ATAD2B: variants seen among roughly 807,000 people sequenced by gnomAD.
The protein encoded by ATAD2B is ATPase family AAA domain-containing protein 2B.
In ATAD2B, 40 loss-of-function variants were observed where a neutral mutation model predicts 167.6. The observed-to-expected ratio is 0.24, with a 90% CI of 0.19 to 0.31. ATAD2B has a LOEUF of 0.31. Ranked by LOEUF, ATAD2B falls within the 10% of genes least tolerant of loss-of-function variation. ATAD2B has a pLI of 1.00. For missense variants in ATAD2B, 1,242 were observed against 1,757.2 expected (o/e 0.71, Z 5.24); for synonymous variants, 579 against 596.5 (o/e 0.97, Z 0.43).
At chr2:23,679,619 T>TATAGATATAGATATAGATATAG in the ATAD2B span, among the ~76,000 whole-genome samples, 48 of 151,498 alleles carry the variant, frequency 3.2e-4, no homozygotes, top group South Asian at 8.4e-4. Context: ...CAGATATATA[T>TATAGATATAGATATAGATATAG]ATATGTATGC....
intron 19 of ATAD2B, among the ~76,000 whole-genome samples, chr2:23,795,891 G>T (rs1035128917): frequency 2.0e-5 from 3 of 149,200 alleles, no homozygotes; most frequent in African/African-American, 7.5e-5. Context: ...AAAAAAAAAA[G>T]AAAAAAGAAA....
At chr2:23,880,857 T>C in intron 6 of ATAD2B, 102 bp from the exon 7 acceptor site, 1 of 700,294 alleles carries the variant, frequency 1.4e-6, no homozygotes, top group East Asian at 2.8e-5. Context: ...CATTACTCTT[T>C]CTGCACAGGT....
At chr2:23,760,771 C>CACACACACACACACATACACA (rs1572646294) in intron 24 of ATAD2B, among the ~76,000 whole-genome samples, 1 of 130,140 alleles carries the variant, frequency 7.7e-6, no homozygotes, top group South Asian at 2.6e-4. Context: ...CACACACACA[C>CACACACACACACACATACACA]CACTTCCTTC....
At chr2:23,824,485 T>G (rs1434739357) in intron 15 of ATAD2B, among the ~76,000 whole-genome samples, 1 of 152,196 alleles carries the variant, frequency 6.6e-6, no homozygotes, top group Non-Finnish European at 1.5e-5. Flanking sequence ...CAACCAACTA[T>G]TAACATTCAG....
At chr2:23,763,746 C>T (rs993325539) in intron 23 of ATAD2B, among the ~76,000 whole-genome samples, 3 of 152,060 alleles carry the variant, frequency 2.0e-5, no homozygotes, top group Non-Finnish European at 2.9e-5. Flanking sequence ...TACACCACCA[C>T]GCCTAGCTAA....
chr2:23,731,687 A>C, the ATAD2B span, among the ~76,000 whole-genome samples: 12 of 152,234 alleles, frequency 7.9e-5, no homozygotes, highest in Admixed American at 7.9e-4. Flanking sequence ...TTTCAATGCA[A>C]TCAATAAACT....
chr2:23,888,495 T>C lies in ATAD2B; in HGVS notation c.369-96A>G, dbSNP rs1468771467. On this transcript the variant is annotated intron_variant, in intron 2 of 27. Transcript: ENST00000238789. ...CTGGAATTATTTTAATCTTTAAAAC[T>C]TTTTTAAAAGTAAAGATAACTTTTT... 1.0e-5 allele frequency: 8 copies of C among 799,102 alleles called. No homozygotes were observed. The East Asian group carries it at 1.9e-4, about 19-fold the overall frequency. 49.5% of individuals were successfully genotyped at this position (799,102 alleles called of 1,614,324 possible). A position where few individuals can be genotyped will look rare whatever the true frequency, so the allele number is the denominator to read the frequency against.
intron 19 of ATAD2B, among the ~76,000 whole-genome samples, chr2:23,792,152 T>A (rs1464059558): frequency 2.6e-5 from 4 of 151,608 alleles, no homozygotes; most frequent in Non-Finnish European, 5.9e-5. Context: ...AAGCTCCGCC[T>A]CCTGGGTTCA....
chr2:23,889,779 C>T (rs760018647), intron 2 of ATAD2B, among the ~76,000 whole-genome samples: 9 of 151,460 alleles, frequency 5.9e-5, no homozygotes, highest in Non-Finnish European at 1.0e-4. Flanking sequence ...AATTGCTGGG[C>T]GTGGTGGCGG....
intron 25 of ATAD2B, among the ~76,000 whole-genome samples, chr2:23,756,716 T>C (rs1675994239): frequency 6.6e-6 from 1 of 152,198 alleles, no homozygotes; most frequent in Non-Finnish European, 1.5e-5. Flanking sequence ...ATGATTGCTC[T>C]GCTTCTTTCC....
chr2:23,775,014 C>T (rs1228750742), intron 22 of ATAD2B, among the ~76,000 whole-genome samples: 1 of 152,126 alleles, frequency 6.6e-6, no homozygotes, highest in African/African-American at 2.4e-5. Flanking sequence ...TGTTCTCAAT[C>T]AGCTTCGAGT....
intron 13 of ATAD2B, among the ~76,000 whole-genome samples, chr2:23,841,051 T>C (rs559140896): frequency 1.2e-4 from 18 of 151,534 alleles, no homozygotes; most frequent in Non-Finnish European, 1.9e-4. Context: ...GGGCTACTGA[T>C]AGTGATAGGA....
At chr2:23,679,932 G>A in the ATAD2B span, among the ~76,000 whole-genome samples, 1 of 152,338 alleles carries the variant, frequency 6.6e-6, no homozygotes, top group Non-Finnish European at 1.5e-5. Flanking sequence ...GTGGGGACGT[G>A]TGTGGGGTGC....
intron 20 of ATAD2B, 52 bp from the exon 21 acceptor site, chr2:23,786,275 CT>C: frequency 9.3e-6 from 13 of 1,396,964 alleles, no homozygotes; most frequent in African/African-American, 1.5e-5. Flanking sequence ...GGCCAGGACC[CT>C]TTTTTGGCAT....
At chr2:23,696,605 T>C in the ATAD2B span, 1 of 1,036,508 alleles carries the variant, frequency 9.6e-7, no homozygotes, top group Non-Finnish European at 1.4e-6. The surrounding 1 kb of genome is among the most constrained non-coding windows in gnomAD (Gnocchi z 5.5). Flanking sequence ...ACCCACTCAG[T>C]GGCGATGGAG....
At position 23,913,658 on chromosome 2, in the gene ATAD2B, T is replaced by A. The variant is rs1043440715; in HGVS notation, c.216+12897A>T. ...CTCTTGAGAAAAAAAAAAAAAAAAA[T>A]TCTAGTTGGATCTTCTGAGTAACTC... On this transcript the variant is annotated intron_variant, in intron 1 of 27. Transcript: ENST00000238789. Among the ~76,000 whole-genome samples, 110 of 141,830 alleles carry A rather than the reference T, an allele frequency of 7.8e-4. 1 individual carries two copies. The highest frequency in any genetic ancestry group is 2.4e-3 in the African/African-American group (95 of 38,966). 93.0% of individuals were successfully genotyped at this position (141,830 alleles called of 152,430 possible).
At chr2:23,805,379 A>G (rs1352697154) in intron 18 of ATAD2B, among the ~76,000 whole-genome samples, 1 of 152,110 alleles carries the variant, frequency 6.6e-6, no homozygotes, top group Non-Finnish European at 1.5e-5. Flanking sequence ...CACTAATGTC[A>G]CCTGCATTTT....
At position 23,869,775 on chromosome 2, in the gene ATAD2B, G is replaced by A. The variant is rs1480255051; in HGVS notation, c.978-14C>T. On this transcript the variant is annotated splice_polypyrimidine_tract_variant and intron_variant, in intron 8 of 27. Coordinates refer to ENST00000238789, the MANE Select transcript of ATAD2B (RefSeq NM_017552.4). ...TGCTTCTTTCTCCTATTTAAAGAGA[G>A]TAAAATCCTTAAAACCATTATAATA... 6.6e-7 allele frequency: 1 copy of A among 1,518,082 alleles called. No homozygotes were observed. Among genetic ancestry groups the A allele is most frequent in the Non-Finnish European group, 8.9e-7 (1 of 1,117,986 alleles). The allele number at this position is 1,518,082 out of a possible 1,614,324, so 94.0% of individuals were successfully genotyped here.
At chr2:23,838,725 T>C (rs906083945) in intron 13 of ATAD2B, among the ~76,000 whole-genome samples, 1 of 152,168 alleles carries the variant, frequency 6.6e-6, no homozygotes, top group South Asian at 2.1e-4. Flanking sequence ...GCATTATTTA[T>C]AGAAAAGGTC....
Sources: gnomAD v4.1 joint callset for allele counts (sites outside exome capture counted in the v4.1 genomes callset) on GRCh38, gnomAD v4.1.1 for gene constraint, Gnocchi (gnomAD v3.1) non-coding constraint, MANE v1.5 for transcripts, NCBI Gene and HGNC (gene_info 2026-07-23, HGNC 2026-07-21) for gene names.